FNDC3B: variants seen among roughly 807,000 people sequenced by gnomAD.
FNDC3B encodes fibronectin type III domain-containing protein 3B.
In FNDC3B, 12 loss-of-function variants were observed where a neutral mutation model predicts 151.5. The observed-to-expected ratio is 0.08, with a 90% CI of 0.05 to 0.13. The LOEUF is 0.13. FNDC3B is among the 10% of genes least tolerant of loss of function. The probability of loss-of-function intolerance (pLI) is 1.00; values close to 1 mark genes in which losing one functional copy is unlikely to be tolerated. For synonymous variants in FNDC3B, 528 were observed against 549.0 expected (o/e 0.96, Z 0.54); for missense variants, 1,214 against 1,505.3 (o/e 0.81, Z 3.20).
chr3:172,231,051 C>G (rs1321064933), intron 4 of FNDC3B, among the ~76,000 whole-genome samples: 3 of 152,150 alleles, frequency 2.0e-5, no homozygotes, highest in Non-Finnish European at 4.4e-5. Context: ...GTGGAAACAA[C>G]CCAAATGCCC....
chr3:172,331,932 C>T (rs1445083668), intron 13 of FNDC3B, among the ~76,000 whole-genome samples: 1 of 152,138 alleles, frequency 6.6e-6, no homozygotes, highest in Non-Finnish European at 1.5e-5. Context: ...CTCTCGAGCA[C>T]CTGACATATG....
chr3:172,150,664 T>A (rs1722172644), intron 3 of FNDC3B, among the ~76,000 whole-genome samples: 1 of 152,142 alleles, frequency 6.6e-6, no homozygotes, highest in Admixed American at 6.6e-5. Flanking sequence ...TGACTTCCTT[T>A]TTCAGGAGAT....
At chr3:172,297,783 A>G (rs1336519548) in intron 8 of FNDC3B, among the ~76,000 whole-genome samples, 3 of 145,214 alleles carry the variant, frequency 2.1e-5, no homozygotes, top group Admixed American at 6.8e-5. Flanking sequence ...CTTTTTTTTC[A>G]TAAGTTTTAT....
chr3:172,288,537 A>G (rs966211549), intron 7 of FNDC3B, among the ~76,000 whole-genome samples: 3 of 152,238 alleles, frequency 2.0e-5, no homozygotes, highest in Non-Finnish European at 2.9e-5. Flanking sequence ...CCTTAGTCCT[A>G]TAAAGCTGGA....
chr3:172,379,002 G>T (rs1735297653), intron 24 of FNDC3B, among the ~76,000 whole-genome samples: 1 of 152,220 alleles, frequency 6.6e-6, no homozygotes, highest in Non-Finnish European at 1.5e-5. Context: ...AGAGCCCCAT[G>T]TATCCAGATC....
chr3:172,283,985 AG>A (rs1465940623), intron 6 of FNDC3B, among the ~76,000 whole-genome samples: 31 of 152,328 alleles, frequency 2.0e-4, no homozygotes, highest in African/African-American at 7.5e-4. Flanking sequence ...ACCAGACTAA[AG>A]GTAGCACGTC....
chr3:172,109,771 C>T (rs2108536172), intron 1 of FNDC3B, among the ~76,000 whole-genome samples: 1 of 152,286 alleles, frequency 6.6e-6, no homozygotes, highest in Middle Eastern at 3.4e-3. Flanking sequence ...GAAAGTCCAT[C>T]ACGTAGTAGA....
At chr3:172,198,249 T>C (rs572345338) in intron 3 of FNDC3B, among the ~76,000 whole-genome samples, 149 of 152,212 alleles carry the variant, frequency 9.8e-4, no homozygotes, top group Non-Finnish European at 1.8e-3. Flanking sequence ...TAGAGAATCG[T>C]ATTTAGAAGC....
intron 6 of FNDC3B, among the ~76,000 whole-genome samples, chr3:172,256,655 A>T (rs947038287): frequency 6.6e-6 from 1 of 152,238 alleles, no homozygotes; most frequent in East Asian, 1.9e-4. Flanking sequence ...GAAGTTATTG[A>T]GTGGGATACA....
intron 6 of FNDC3B, among the ~76,000 whole-genome samples, chr3:172,257,781 C>T (rs541477762): frequency 6.6e-6 from 1 of 152,162 alleles, no homozygotes; most frequent in African/African-American, 2.4e-5. Flanking sequence ...GACATGTACC[C>T]TTATGACCTG....
chr3:172,073,385 G>A (rs1469681440), intron 1 of FNDC3B, among the ~76,000 whole-genome samples: 1 of 152,122 alleles, frequency 6.6e-6, no homozygotes, highest in East Asian at 1.9e-4. Flanking sequence ...AAGTGGATTG[G>A]GATTTTAAGA....
chr3:172,373,083 G>C (rs1734958066), intron 23 of FNDC3B, among the ~76,000 whole-genome samples: 1 of 152,148 alleles, frequency 6.6e-6, no homozygotes, highest in Admixed American at 6.5e-5. Context: ...CCTAGAGCAG[G>C]GGAGCAGCCC....
At chr3:172,196,955 G>A (rs1306349315) in intron 3 of FNDC3B, among the ~76,000 whole-genome samples, 1 of 152,166 alleles carries the variant, frequency 6.6e-6, no homozygotes, top group African/African-American at 2.4e-5. Context: ...GGCTGAGGCG[G>A]ACGGATCATG....
At chr3:172,224,636 G>A (rs1003450631) in intron 3 of FNDC3B, among the ~76,000 whole-genome samples, 1 of 152,126 alleles carries the variant, frequency 6.6e-6, no homozygotes, top group African/African-American at 2.4e-5. Flanking sequence ...CATAACGCTG[G>A]TTGTACTGTG....
At chr3:172,102,274 G>C (rs917211599) in intron 1 of FNDC3B, among the ~76,000 whole-genome samples, 1 of 152,162 alleles carries the variant, frequency 6.6e-6, no homozygotes, top group Non-Finnish European at 1.5e-5. Flanking sequence ...TTGATGCTAG[G>C]TAAGAATTAG....
intron 1 of FNDC3B, among the ~76,000 whole-genome samples, chr3:172,062,370 G>C (rs927578028): frequency 6.6e-6 from 1 of 151,406 alleles, no homozygotes; most frequent in Non-Finnish European, 1.5e-5. Flanking sequence ...GGAGTGCAGG[G>C]GCATGATCTC....
chr3:172,067,418 G>A (rs1406417093), intron 1 of FNDC3B, among the ~76,000 whole-genome samples: 2 of 152,046 alleles, frequency 1.3e-5, no homozygotes, highest in African/African-American at 2.4e-5. Context: ...GCTTTTCTGC[G>A]TTCACTAAGG....
intron 7 of FNDC3B, among the ~76,000 whole-genome samples, chr3:172,293,292 T>TGGAG (rs1730434179): frequency 6.6e-6 from 1 of 151,888 alleles, no homozygotes; most frequent in Non-Finnish European, 1.5e-5. Context: ...GCCAGCATCC[T>TGGAG]GGAGGTTTGG....
chr3:172,226,729 T>G lies in FNDC3B; in HGVS notation c.188-142T>G, dbSNP rs943978226. ...TTCATTCATGGTTTCAGGTTTAGCT[T>G]TAAGGCAATATATACCAACTTTTGA... is the stretch of plus-strand genomic sequence containing the variant. On this transcript the variant is annotated intron_variant, in intron 3 of 25. Transcript: ENST00000415807. 5 of 534,250 alleles carry G rather than the reference T, an allele frequency of 9.4e-6. No homozygotes were observed. In the African/African-American group the frequency reaches 9.5e-5, roughly 10 times the overall value. 33.1% of individuals were successfully genotyped at this position (534,250 alleles called of 1,614,324 possible). A position where few individuals can be genotyped will look rare whatever the true frequency, so the allele number is the denominator to read the frequency against.
Sources: gnomAD v4.1 joint callset for allele counts (sites outside exome capture counted in the v4.1 genomes callset) on GRCh38, gnomAD v4.1.1 for gene constraint, MANE v1.5 for transcripts, NCBI Gene and HGNC (gene_info 2026-07-23, HGNC 2026-07-21) for gene names.